RTTN: variants seen among roughly 807,000 people sequenced by gnomAD.
RTTN encodes rotatin.
RTTN carries 182 observed loss-of-function variants against 269.2 expected under a neutral mutation model. The observed-to-expected ratio is 0.68, with a 90% CI of 0.60 to 0.76. The LOEUF (loss-of-function observed/expected upper bound fraction) is 0.76, where lower values mean the gene tolerates loss of function less well. Ranked by LOEUF, RTTN falls within the 30% of genes least tolerant of loss-of-function variation. RTTN has a pLI of 0.00. For synonymous variants in RTTN, 1,006 were observed against 963.5 expected (o/e 1.04, Z -0.82); for missense variants, 2,545 against 2,608.6 (o/e 0.98, Z 0.53).
intron 40 of RTTN, among the ~76,000 whole-genome samples, chr18:70,039,460 A>G (rs8085139): frequency 0.019 from 2,932 of 152,244 alleles, 83 homozygotes; most frequent in African/African-American, 0.067. Context: ...AGTACATACG[A>G]TGAAACTATC....
intron 14 of RTTN, among the ~76,000 whole-genome samples, chr18:70,159,000 C>A (rs776863400): frequency 6.6e-6 from 1 of 152,060 alleles, no homozygotes; most frequent in East Asian, 1.9e-4. Flanking sequence ...TGGGAGACTT[C>A]AACACCCCAC....
intron 14 of RTTN, among the ~76,000 whole-genome samples, chr18:70,160,785 A>G (rs2060807335): frequency 6.6e-6 from 1 of 152,156 alleles, no homozygotes; most frequent in African/African-American, 2.4e-5. Flanking sequence ...CTGTACTCCA[A>G]TAACATCCAA....
chr18:70,082,387 A>G (rs2058592200), intron 32 of RTTN, among the ~76,000 whole-genome samples: 1 of 149,618 alleles, frequency 6.7e-6, no homozygotes, highest in South Asian at 2.2e-4. Context: ...TCCAATATTT[A>G]GACACTCAAC....
At chr18:70,152,752 T>C (rs927680734) in intron 14 of RTTN, among the ~76,000 whole-genome samples, 3 of 152,112 alleles carry the variant, frequency 2.0e-5, no homozygotes, top group African/African-American at 7.2e-5. Flanking sequence ...CATTTCCTTC[T>C]CTTCATCTCC....
intron 11 of RTTN, 128 bp downstream of exon 11, chr18:70,176,547 T>TA (rs2061306259): frequency 2.8e-6 from 2 of 714,090 alleles, no homozygotes; most frequent in Non-Finnish European, 4.1e-6. Context: ...TATAACCTGT[T>TA]ACACTTATTT....
chr18:70,202,465 G>A (rs2061977236), intron 3 of RTTN, among the ~76,000 whole-genome samples: 3 of 152,182 alleles, frequency 2.0e-5, no homozygotes, highest in Non-Finnish European at 2.9e-5. Flanking sequence ...TGAAAATGAG[G>A]AAAAGGCTAA....
At chr18:70,021,200 A>C (rs1274617483) in intron 44 of RTTN, 1 of 159,472 alleles carries the variant, frequency 6.3e-6, no homozygotes, top group Admixed American at 6.3e-5. Context: ...AAGGAACATA[A>C]TATCCCTGGG....
At chr18:70,163,069 T>TTAAAAAAAAAAA (rs766183356) in intron 14 of RTTN, among the ~76,000 whole-genome samples, 1 of 56,968 alleles carries the variant, frequency 1.8e-5, no homozygotes, top group Non-Finnish European at 3.0e-5. Flanking sequence ...TTACTATTAT[T>TTAAAAAAAAAAA]AAAAAAAAAA....
intron 8 of RTTN, 128 bp downstream of exon 8, chr18:70,193,160 A>C (rs1600041816): frequency 2.3e-6 from 2 of 863,392 alleles, no homozygotes; most frequent in Admixed American, 3.2e-5. Context: ...CAAGGCCTAT[A>C]CCTGTGTTAA....
chr18:70,013,491 C>T (rs144057597), intron 46 of RTTN, among the ~76,000 whole-genome samples: 1 of 145,128 alleles, frequency 6.9e-6, no homozygotes, highest in African/African-American at 2.9e-5. Flanking sequence ...TTTAACAAAA[C>T]AAATGTTATT....
chr18:70,086,717 A>ATGT, intron 31 of RTTN, 33 bp from the exon 32 acceptor site: 1 of 1,160,510 alleles, frequency 8.6e-7, no homozygotes, highest in Non-Finnish European at 1.2e-6. Context: ...AAAAAAAAAA[A>ATGT]AAAAAAAAAA....
chr18:70,105,652 G>T (rs1404680387), intron 28 of RTTN, among the ~76,000 whole-genome samples: 1 of 152,086 alleles, frequency 6.6e-6, no homozygotes, highest in Non-Finnish European at 1.5e-5. Flanking sequence ...TTATTAAAGG[G>T]ACTCCAGTGA....
chr18:70,151,206 C>T (rs1185244435), intron 14 of RTTN, among the ~76,000 whole-genome samples: 1 of 146,996 alleles, frequency 6.8e-6, no homozygotes, highest in African/African-American at 2.5e-5. Context: ...ATATAATATA[C>T]CTATTATATA....
chr18:70,092,956 G>A, intron 28 of RTTN, 152 bp from the exon 29 acceptor site: 3 of 628,796 alleles, frequency 4.8e-6, no homozygotes. Context: ...TGAATAAGAT[G>A]GTAAATTTTA....
chr18:70,017,388 T>C lies in RTTN; in HGVS notation c.6421+19A>G. On this transcript the variant is annotated intron_variant, in intron 46 of 48. Transcript: ENST00000640769. Reference sequence around the variant, plus strand: ...ATGAATAACTACATATATAAATGTATGTGTGTGTGAAAACTTACCATTAGC... The same window carrying C: ...ATGAATAACTACATATATAAATGTACGTGTGTGTGAAAACTTACCATTAGC... 3 of 1,604,988 alleles carry C rather than the reference T, an allele frequency of 1.9e-6. No individual in the cohort carries two copies. The highest frequency in any genetic ancestry group is 1.1e-5 in the South Asian group (1 of 90,606).
At position 70,073,947 on chromosome 18, in the gene RTTN, G is replaced by C; in HGVS notation, c.4612C>G (p.Gln1538Glu). 2 of 1,611,902 alleles carry C rather than the reference G, an allele frequency of 1.2e-6. No individual in the cohort carries two copies. Among genetic ancestry groups the C allele is most frequent in the Non-Finnish European group, 1.7e-6 (2 of 1,178,454 alleles). Reference protein sequence around the residue: ...KFWRAPSRTSQDRDPSSLSTS... With the variant: ...KFWRAPSRTSEDRDPSSLSTS... ...GAGAGAGAACTTGGATCTCGATCCT[G>C]ACTTGTCCTAGATGGAGCCCTCCAA... Residue 1538 changes from glutamine (Q) to glutamate (E), a missense_variant, in exon 34 of 49, where the codon CAG becomes GAG. Physicochemically the swap from Gln to Glu is conservative, Grantham distance 29 (BLOSUM62 2). Transcript: ENST00000640769.
intron 18 of RTTN, among the ~76,000 whole-genome samples, chr18:70,143,395 C>A (rs1248671801): frequency 6.6e-6 from 1 of 152,106 alleles, no homozygotes; most frequent in African/African-American, 2.4e-5. Flanking sequence ...TACATATACA[C>A]CATAGAGTAC....
chr18:70,202,790 C>A (rs1361938677), intron 3 of RTTN, among the ~76,000 whole-genome samples: 1 of 152,162 alleles, frequency 6.6e-6, no homozygotes, highest in African/African-American at 2.4e-5. Context: ...ACATCTCAGT[C>A]AAAAGGCTGC....
At position 70,204,150 on chromosome 18, in the gene RTTN, T is replaced by C. The variant is rs762694344; in HGVS notation, c.333A>G (p.Gly111=). ...GAACTTCCGAAGGAAGAAGAAAAAG[T>C]CCATCCAGAATGCCATCAATTTCAG... ...LQAEIDGILD[G]LFLLPSEVPA... The change falls in exon 3 of 49, where the codon GGA becomes GGG. Residue 111 remains glycine (G), a synonymous_variant. Transcript: ENST00000640769. The C allele has an allele frequency of 1.2e-6, 2 of 1,614,084 alleles. No homozygotes were observed. Among genetic ancestry groups the C allele is most frequent in the South Asian group, 2.2e-5 (2 of 91,078 alleles).
Sources: gnomAD v4.1 joint callset for allele counts (sites outside exome capture counted in the v4.1 genomes callset) on GRCh38, gnomAD v4.1.1 for gene constraint, MANE v1.5 for transcripts, NCBI Gene and HGNC (gene_info 2026-07-23, HGNC 2026-07-21) for gene names.